Variants in VPS13B observed in about 807,000 individuals in gnomAD.
The protein encoded by VPS13B is intermembrane lipid transfer protein VPS13B.
Under a neutral mutation model 426.4 loss-of-function variants are expected in VPS13B, and 285 were observed. That is an observed-to-expected ratio of 0.67 (90% confidence interval 0.61 to 0.74). The LOEUF is 0.74. Among genes scored for constraint, VPS13B ranks in the 30% least tolerant of loss-of-function variants. The probability of loss-of-function intolerance (pLI) is 0.00; values close to 1 mark genes in which losing one functional copy is unlikely to be tolerated. For missense variants in VPS13B, 4,537 were observed against 4,782.6 expected (o/e 0.95, Z 1.51); for synonymous variants, 1,676 against 1,676.4 (o/e 1.00, Z 0.01).
intron 3 of VPS13B, among the ~76,000 whole-genome samples, chr8:99,062,490 C>A (rs1844245587): frequency 6.6e-6 from 1 of 152,014 alleles, no homozygotes; most frequent in East Asian, 1.9e-4. Flanking sequence ...TTTTTTGAGG[C>A]AGAGTTTCGC....
rs150367735 is a variant in VPS13B at position 99,689,652 on chromosome 8, T to C, written c.6047-9873T>C. On this transcript the variant is annotated intron_variant, in intron 35 of 61. Transcript: ENST00000357162. ...GGGCAACATAATGGGATCCAATCTATTGAAAAAAGAGAAAGACAAGTTAAG... is the reference window on the plus strand; with the variant it reads ...GGGCAACATAATGGGATCCAATCTACTGAAAAAAGAGAAAGACAAGTTAAG... Among the ~76,000 whole-genome samples the C allele has an allele frequency of 2.4e-3, 365 of 152,242 alleles. 2 individuals are homozygous for C. Among genetic ancestry groups the C allele is most frequent in the African/African-American group, 8.6e-3 (356 of 41,534 alleles).
At chr8:99,739,312 A>G (rs1040990367) in intron 39 of VPS13B, among the ~76,000 whole-genome samples, 5 of 152,194 alleles carry the variant, frequency 3.3e-5, no homozygotes, top group Non-Finnish European at 7.3e-5. Context: ...GAGTAGGTAA[A>G]CAAAGTGGCC....
At chr8:99,036,998 T>G in intron 2 of VPS13B, among the ~76,000 whole-genome samples, 1 of 152,154 alleles carries the variant, frequency 6.6e-6, no homozygotes, top group Admixed American at 6.5e-5. Flanking sequence ...GATTCTTCAT[T>G]GTAAAATGGG....
chr8:99,208,756 T>G (rs1814891182), intron 17 of VPS13B, among the ~76,000 whole-genome samples: 1 of 152,206 alleles, frequency 6.6e-6, no homozygotes. Flanking sequence ...TTTAAAACAG[T>G]CCTTTACTTT....
chr8:99,313,255 A>T (rs1476553896), intron 19 of VPS13B, among the ~76,000 whole-genome samples: 2 of 151,960 alleles, frequency 1.3e-5, no homozygotes, highest in Non-Finnish European at 2.9e-5. Flanking sequence ...TGATTTTTAG[A>T]ATTTTCAGCT....
intron 17 of VPS13B, among the ~76,000 whole-genome samples, chr8:99,243,627 C>G (rs749619494): frequency 6.6e-6 from 1 of 151,992 alleles, no homozygotes; most frequent in Non-Finnish European, 1.5e-5. Flanking sequence ...AAAGAAAGGA[C>G]CAAACCTCAA....
intron 33 of VPS13B, among the ~76,000 whole-genome samples, chr8:99,614,915 C>T (rs1029384521): frequency 1.1e-4 from 17 of 151,664 alleles, no homozygotes; most frequent in Non-Finnish European, 2.2e-4. Flanking sequence ...GTTGGGAGTT[C>T]GAGACCAGCC....
intron 19 of VPS13B, among the ~76,000 whole-genome samples, chr8:99,345,452 A>G (rs913114009): frequency 3.3e-5 from 5 of 152,198 alleles, no homozygotes; most frequent in African/African-American, 1.2e-4. Context: ...ACCGTGGGCT[A>G]TATAAAGGAA....
intron 31 of VPS13B, among the ~76,000 whole-genome samples, chr8:99,574,523 T>A (rs2133806109): frequency 6.6e-6 from 1 of 152,348 alleles, no homozygotes; most frequent in South Asian, 2.1e-4. Flanking sequence ...GTTGTTGAAT[T>A]TTGTCAAAGG....
intron 22 of VPS13B, among the ~76,000 whole-genome samples, chr8:99,439,696 G>A (rs1817584890): frequency 1.3e-5 from 2 of 152,052 alleles, no homozygotes; most frequent in African/African-American, 4.8e-5. Flanking sequence ...GGAAGAAAAT[G>A]TGGCACAACA....
At chr8:99,720,279 A>G in intron 37 of VPS13B, 66 bp from the exon 38 acceptor site, 1 of 1,251,376 alleles carries the variant, frequency 8.0e-7, no homozygotes, top group Non-Finnish European at 1.2e-6. Context: ...AAATATGATT[A>G]TACCTAATTA....
chr8:99,633,018 A>G (rs1405780502), intron 33 of VPS13B, among the ~76,000 whole-genome samples: 1 of 152,042 alleles, frequency 6.6e-6, no homozygotes, highest in Non-Finnish European at 1.5e-5. Context: ...CTATCTGGCA[A>G]TGAAAACCAG....
At chr8:99,192,487 T>C (rs1039690681) in intron 16 of VPS13B, among the ~76,000 whole-genome samples, 3 of 152,196 alleles carry the variant, frequency 2.0e-5, no homozygotes, top group Admixed American at 2.0e-4. Context: ...CATAGAGTTA[T>C]TATGGAAGGA....
chr8:99,752,927 C>CCTGA (rs1196901325), intron 39 of VPS13B, among the ~76,000 whole-genome samples: 1 of 152,132 alleles, frequency 6.6e-6, no homozygotes, highest in Non-Finnish European at 1.5e-5. Flanking sequence ...AAAACCATGA[C>CCTGA]CGTCAAGTAA....
intron 19 of VPS13B, among the ~76,000 whole-genome samples, chr8:99,350,440 T>A (rs905133981): frequency 6.6e-6 from 1 of 152,196 alleles, no homozygotes; most frequent in Admixed American, 6.5e-5. Context: ...GAGTGAGTGT[T>A]GCTTGACCAG....
intron 30 of VPS13B, among the ~76,000 whole-genome samples, chr8:99,528,361 T>C (rs1302465314): frequency 6.6e-6 from 1 of 152,080 alleles, no homozygotes; most frequent in African/African-American, 2.4e-5. Context: ...TAAATATACA[T>C]TGATTAATAT....
intron 15 of VPS13B, among the ~76,000 whole-genome samples, chr8:99,169,144 A>T (rs1471459470): frequency 1.3e-5 from 2 of 152,038 alleles, no homozygotes; most frequent in East Asian, 3.8e-4. Flanking sequence ...TCAGTGCTTT[A>T]TAAACCCAAG....
chr8:99,512,229 A>G (rs1461294468), intron 29 of VPS13B, among the ~76,000 whole-genome samples: 1 of 152,220 alleles, frequency 6.6e-6, no homozygotes. Flanking sequence ...AATATCCTAT[A>G]TTCTGACAGT....
intron 12 of VPS13B, among the ~76,000 whole-genome samples, chr8:99,140,058 C>T (rs1588080605): frequency 6.6e-6 from 1 of 152,030 alleles, no homozygotes; most frequent in South Asian, 2.1e-4. Flanking sequence ...AAGTTCATGG[C>T]AGTATTCTAA....
Sources: gnomAD v4.1 joint callset for allele counts (sites outside exome capture counted in the v4.1 genomes callset) on GRCh38, gnomAD v4.1.1 for gene constraint, MANE v1.5 for transcripts, NCBI Gene and HGNC (gene_info 2026-07-23, HGNC 2026-07-21) for gene names.